Variants in CAMTA1 observed in about 807,000 individuals in gnomAD.
CAMTA1 encodes the protein calmodulin-binding transcription activator 1.
Under a neutral mutation model 170.9 loss-of-function variants are expected in CAMTA1, and 27 were observed. The observed-to-expected ratio is 0.16, with a 90% CI of 0.12 to 0.22. The LOEUF (loss-of-function observed/expected upper bound fraction) is 0.22, where lower values mean the gene tolerates loss of function less well. CAMTA1 is among the 10% of genes least tolerant of loss of function. The pLI, the probability that CAMTA1 is intolerant of heterozygous loss-of-function variation, is 1.00. For missense variants in CAMTA1, 1,619 were observed against 2,217.2 expected (o/e 0.73, Z 5.42); for synonymous variants, 833 against 891.5 (o/e 0.93, Z 1.17).
At chr1:6,998,328 G>A (rs1038594880) in intron 3 of CAMTA1, among the ~76,000 whole-genome samples, 2 of 152,100 alleles carry the variant, frequency 1.3e-5, no homozygotes, top group African/African-American at 4.8e-5. Context: ...CCATCTCTGA[G>A]CGCTTTCTTC....
rs1666344436 is a variant in CAMTA1, at chr1:7,249,744, C to A, written c.438+118C>A. 6 of 1,222,632 alleles carry A rather than the reference C, an allele frequency of 4.9e-6. No homozygotes were observed. In the South Asian group the frequency reaches 6.7e-5, roughly 14 times the overall value. 75.7% of individuals were successfully genotyped at this position (1,222,632 alleles called of 1,614,324 possible). A position where few individuals can be genotyped will look rare whatever the true frequency, so the allele number is the denominator to read the frequency against. ...CCTCTGTCCAAAGAATTTTTGTTTG[C>A]CAAGACCCTGGTTTTTGCTTTTGTT... On this transcript the variant is annotated intron_variant, in intron 5 of 22. Transcript: ENST00000303635. This position sits in a 1 kb window ranked among gnomAD's most constrained non-coding sequence, Gnocchi z 4.4.
intron 6 of CAMTA1, among the ~76,000 whole-genome samples, chr1:7,485,853 C>G (rs2093610873): frequency 6.6e-6 from 1 of 152,240 alleles, no homozygotes; most frequent in Non-Finnish European, 1.5e-5. Flanking sequence ...AGACTTCCCT[C>G]TCAATAGAGA....
chr1:7,064,477 T>C lies in CAMTA1; in HGVS notation c.235-26827T>C, dbSNP rs1205018364. ...GCAGTCAGTAAATAGATAAAGCGAATTTCCCTGGTGGGAAGTGCTGCAGAG... is the reference window on the plus strand; with the variant it reads ...GCAGTCAGTAAATAGATAAAGCGAACTTCCCTGGTGGGAAGTGCTGCAGAG... On this transcript the variant is annotated intron_variant, in intron 3 of 22. Transcript: ENST00000303635. This position sits in a 1 kb window ranked among gnomAD's most constrained non-coding sequence, Gnocchi z 5.4. Among the ~76,000 whole-genome samples, 1 of 152,142 alleles carries C rather than the reference T, an allele frequency of 6.6e-6. No individual in the cohort carries two copies. The highest frequency in any genetic ancestry group is 1.5e-5 in the Non-Finnish European group (1 of 68,018).
In CAMTA1 at chr1:6,934,271, C is replaced by T. The variant is rs1372594040; in HGVS notation, c.234+109061C>T. Among the ~76,000 whole-genome samples, 4 of 152,138 alleles carry T rather than the reference C, an allele frequency of 2.6e-5. No homozygotes were observed. The highest frequency in any genetic ancestry group is 2.1e-4 in the South Asian group (1 of 4,832). ...CAGGTGTCCTCTGAGAAATGTGGAC[C>T]GGAAGGATGAGGCATGCTCCCGGAA... is the stretch of plus-strand genomic sequence containing the variant. On this transcript the variant is annotated intron_variant, in intron 3 of 22. Transcript: ENST00000303635. This position sits in a 1 kb window ranked among gnomAD's most constrained non-coding sequence, Gnocchi z 4.5.
rs75979365 is a variant in CAMTA1, at chr1:7,509,144, C to T, written c.510+41243C>T. Among the ~76,000 whole-genome samples, 18 of 152,322 alleles carry T rather than the reference C, an allele frequency of 1.2e-4. No homozygotes were observed. In the East Asian group the frequency reaches 2.5e-3, roughly 21 times the overall value. On this transcript the variant is annotated intron_variant, in intron 6 of 22. Transcript: ENST00000303635. ...AAATGGAAGCACCATCTACTGGGAA[C>T]CTCATGTCCCTAAAGAATAAGCAGG...
rs940627019 is a variant in CAMTA1, at chr1:7,092,380, CCT to C, written c.302+1010_302+1011del. On this transcript the variant is annotated intron_variant, in intron 4 of 22. Transcript: ENST00000303635. The surrounding 1 kb of genome is among the most constrained non-coding windows in gnomAD (Gnocchi z 5.0). Reference sequence around the variant, plus strand: ...AAGGTCATCCTTGGGAATGTTTATTCCTTCTAGAAGGTATTTTAAAATACCAC... The same window carrying C: ...AAGGTCATCCTTGGGAATGTTTATTCTCTAGAAGGTATTTTAAAATACCAC... Among the ~76,000 whole-genome samples, 10 of 152,140 alleles carry C rather than the reference CCT, an allele frequency of 6.6e-5. No homozygotes were observed. The highest frequency in any genetic ancestry group is 1.5e-4 in the Non-Finnish European group (10 of 68,000).
At position 7,685,992 on chromosome 1, in the gene CAMTA1, A is replaced by G. The variant is rs1176629697; in HGVS notation, c.2914+8259A>G. On this transcript the variant is annotated intron_variant, in intron 11 of 22. Coordinates refer to ENST00000303635, the MANE Select transcript of CAMTA1 (RefSeq NM_015215.4). The surrounding 1 kb of genome is among the most constrained non-coding windows in gnomAD (Gnocchi z 5.7). ...TGTTTCTTTCCTTTATTTCTCTCAC[A>G]TTCTCTACTTCTCGCCATCCTCTCT... Among the ~76,000 whole-genome samples the G allele has an allele frequency of 6.6e-6, 1 of 151,960 alleles. No homozygotes were observed. Among genetic ancestry groups the G allele is most frequent in the African/African-American group, 2.4e-5 (1 of 41,344 alleles).
At chr1:7,450,553 A>G (rs557760065) in intron 5 of CAMTA1, among the ~76,000 whole-genome samples, 1 of 152,284 alleles carries the variant, frequency 6.6e-6, no homozygotes, top group East Asian at 1.9e-4. Flanking sequence ...TGAATTAACC[A>G]CAGGTGCCCG....
intron 4 of CAMTA1, among the ~76,000 whole-genome samples, chr1:7,136,461 A>G (rs1384202386): frequency 2.0e-5 from 3 of 151,718 alleles, no homozygotes; most frequent in African/African-American, 7.3e-5. Flanking sequence ...TTTCCTGTCT[A>G]TTGGATGATT....
intron 3 of CAMTA1, among the ~76,000 whole-genome samples, chr1:6,932,164 G>A (rs933083484): frequency 6.6e-6 from 1 of 152,136 alleles, no homozygotes; most frequent in African/African-American, 2.4e-5. Context: ...TGAGTCCCTT[G>A]GTGATTGCTT....
In CAMTA1 at chr1:6,874,710, A is replaced by T. The variant is rs1040094123; in HGVS notation, c.234+49500A>T. On this transcript the variant is annotated intron_variant, in intron 3 of 22. Coordinates refer to ENST00000303635, the MANE Select transcript of CAMTA1 (RefSeq NM_015215.4). ...TAATCTCTTAGGAAGAAAAGTTTAG[A>T]TCACAAAGAGCTCCATAACCCTTTG... is the stretch of plus-strand genomic sequence containing the variant. Among the ~76,000 whole-genome samples, 14 of 152,318 alleles carry T rather than the reference A, an allele frequency of 9.2e-5. No homozygotes were observed. In the South Asian group the frequency reaches 2.7e-3, roughly 29 times the overall value.
At position 7,286,434 on chromosome 1, in the gene CAMTA1, TGCATCTGTGGCCGTG is replaced by T. The variant is rs1342401931; in HGVS notation, c.438+36814_438+36828del. ...CCAAACAGAGATCTTCCATGACAGGTGCATCTGTGGCCGTGGCATCCAATCTCTTCTCTTTGGGCT... is the reference window on the plus strand; with the variant it reads ...CCAAACAGAGATCTTCCATGACAGGTGCATCCAATCTCTTCTCTTTGGGCT... On this transcript the variant is annotated intron_variant, in intron 5 of 22. Coordinates refer to ENST00000303635, the MANE Select transcript of CAMTA1 (RefSeq NM_015215.4). The surrounding 1 kb of genome is among the most constrained non-coding windows in gnomAD (Gnocchi z 4.2). Among the ~76,000 whole-genome samples, 1 of 152,196 alleles carries T rather than the reference TGCATCTGTGGCCGTG, an allele frequency of 6.6e-6. No individual in the cohort carries two copies. Among genetic ancestry groups the T allele is most frequent in the East Asian group, 1.9e-4 (1 of 5,200 alleles).
chr1:7,692,698 C>CT (rs1216051629), intron 11 of CAMTA1, among the ~76,000 whole-genome samples: 3 of 152,158 alleles, frequency 2.0e-5, no homozygotes, highest in Non-Finnish European at 4.4e-5. Flanking sequence ...CTCCCAGCAC[C>CT]CAGCCTCAGG....
intron 3 of CAMTA1, among the ~76,000 whole-genome samples, chr1:7,045,057 G>A (rs2101484339): frequency 6.6e-6 from 1 of 152,240 alleles, no homozygotes. Flanking sequence ...CCTGAACACT[G>A]CGCAAATGAG....
chr1:6,904,908 T>C (rs1311156219), intron 3 of CAMTA1, among the ~76,000 whole-genome samples: 2 of 151,950 alleles, frequency 1.3e-5, no homozygotes, highest in Non-Finnish European at 2.9e-5. Context: ...CTTTGTTTCG[T>C]ATTGCACGCT....
chr1:7,000,003 G>A (rs1697977471), intron 3 of CAMTA1, among the ~76,000 whole-genome samples: 1 of 152,244 alleles, frequency 6.6e-6, no homozygotes, highest in South Asian at 2.1e-4. Flanking sequence ...AGAATCGAGT[G>A]TTCAGGGGCC....
At chr1:7,573,393 G>A (rs1330927608) in intron 6 of CAMTA1, among the ~76,000 whole-genome samples, 1 of 152,232 alleles carries the variant, frequency 6.6e-6, no homozygotes, top group Non-Finnish European at 1.5e-5. Flanking sequence ...GCTCAGCGGG[G>A]CCACAGCTGC....
In CAMTA1 at chr1:7,299,964, C is replaced by A. The variant is rs1051255909; in HGVS notation, c.438+50338C>A. The stretch of plus-strand genomic sequence containing the variant: ...TTAAGTGTCATTGACTTCCTAGCAA[C>A]CCTGACTGTGGTCTGATTCCTTTAA... On this transcript the variant is annotated intron_variant, in intron 5 of 22. Coordinates refer to ENST00000303635, the MANE Select transcript of CAMTA1 (RefSeq NM_015215.4). The surrounding 1 kb of genome is among the most constrained non-coding windows in gnomAD (Gnocchi z 4.7). 6.6e-6 allele frequency among the ~76,000 whole-genome samples: 1 copy of A among 152,314 alleles called. No individual in the cohort carries two copies. The highest frequency in any genetic ancestry group is 1.9e-4 in the East Asian group (1 of 5,186).
intron 5 of CAMTA1, among the ~76,000 whole-genome samples, chr1:7,321,998 G>T (rs1678492665): frequency 6.6e-6 from 1 of 152,216 alleles, no homozygotes; most frequent in African/African-American, 2.4e-5. Context: ...GTTTTCTAGA[G>T]CAGGGGTTTG....
Sources: allele counts gnomAD v4.1 joint callset (sites outside exome capture counted in the v4.1 genomes callset), GRCh38; gene constraint gnomAD v4.1.1; non-coding constraint Gnocchi (gnomAD v3.1); transcripts MANE v1.5; gene names NCBI Gene and HGNC (gene_info 2026-07-23, HGNC 2026-07-21).